The following TERF2IP variants were observed in gnomAD, a reference collection of about 807,000 sequenced individuals.
TERF2IP encodes the protein TERF2 interacting protein.
Under a neutral mutation model 33.3 loss-of-function variants are expected in TERF2IP, and 35 were observed. That is an observed-to-expected ratio of 1.05 (90% CI 0.80 to 1.39). The LOEUF is 1.39. Among genes scored for constraint, TERF2IP ranks in the 40% most tolerant of loss-of-function variants. TERF2IP has a pLI of 0.00. For synonymous variants in TERF2IP, 253 were observed against 223.2 expected, an observed-to-expected ratio of 1.13 and a Z score of -1.19; for missense variants, 583 against 524.8, an observed-to-expected ratio of 1.11 and a Z score of -1.08.
Position 75,656,003 on chromosome 16 carries a change from GCGCACA to G in TERF2IP, c.796-202_796-197del, listed in dbSNP as rs2082382586. On this transcript the variant is annotated intron_variant, in intron 2 of 2. Coordinates refer to ENST00000300086, the MANE Select transcript of TERF2IP (RefSeq NM_018975.4). Reference sequence around the variant, plus strand: ...CTCACACACACGTGCACACACACACGCGCACACACACACGCGTGTACATATACATAC... The same window carrying G: ...CTCACACACACGTGCACACACACACGCACACACGCGTGTACATATACATAC... Among the ~76,000 whole-genome samples the G allele has an allele frequency of 5.3e-5, 8 of 151,624 alleles. 1 individual carries two copies. The East Asian group carries it at 1.6e-3, about 29-fold the overall frequency.
At position 75,654,414 on chromosome 16, in the gene TERF2IP, T is replaced by A; in HGVS notation, c.795+17T>A. ...GAGGTTGTGGTATGTTAACTAGATT[T>A]ACTCATTATTTTTTTCCCTACCTTC... On this transcript the variant is annotated intron_variant, in intron 2 of 2. Transcript: ENST00000300086. 6.2e-7 allele frequency: 1 copy of A among 1,608,166 alleles called. No individual in the cohort carries two copies. Among genetic ancestry groups the A allele is most frequent in the Non-Finnish European group, 8.5e-7 (1 of 1,176,260 alleles).
rs1391020266 is a variant in TERF2IP, at chr16:75,656,119, C to T, written c.796-88C>T. On this transcript the variant is annotated intron_variant, in intron 2 of 2. Coordinates refer to ENST00000300086, the MANE Select transcript of TERF2IP (RefSeq NM_018975.4). ...TCCAGTGTGATTGGAATGCAGAGGG[C>T]AAGGGGGTGATAGTTGGAAGAGACC... The T allele has an allele frequency of 9.1e-6, 12 of 1,317,218 alleles. No homozygotes were observed. The South Asian group carries it at 1.0e-4, about 11-fold the overall frequency. 81.6% of individuals were successfully genotyped at this position (1,317,218 alleles called of 1,614,324 possible). A position where few individuals can be genotyped will look rare whatever the true frequency, so the allele number is the denominator to read the frequency against.
rs766925453 is a variant in TERF2IP, at chr16:75,647,843, C to T, written c.-40C>T. 13 of 1,595,564 alleles carry T rather than the reference C, an allele frequency of 8.1e-6. No homozygotes were observed. In the South Asian group the frequency reaches 1.1e-4, roughly 14 times the overall value. On this transcript the variant is annotated 5_prime_UTR_variant, in exon 1 of 3. Coordinates refer to ENST00000300086, the MANE Select transcript of TERF2IP (RefSeq NM_018975.4). ...AGTTGAGCTCTGTGTGCCAGGCGCT[C>T]GCGAGGGGGTAGCTCTTCTAGTAGT...
At chr16:75,653,112 G>A (rs2082359177) in intron 1 of TERF2IP, among the ~76,000 whole-genome samples, 1 of 152,146 alleles carries the variant, frequency 6.6e-6, no homozygotes, top group African/African-American at 2.4e-5. Context: ...TTTTAAAGGT[G>A]AATAATATTC....
intron 2 of TERF2IP, among the ~76,000 whole-genome samples, chr16:75,655,867 GTC>G: frequency 6.6e-6 from 1 of 151,672 alleles, no homozygotes; most frequent in Non-Finnish European, 1.5e-5. Flanking sequence ...ACATATATGT[GTC>G]TCTCTCTTTA....
At position 75,656,884 on chromosome 16, in the gene TERF2IP, ATAG is replaced by A. The variant is rs936203515; in HGVS notation, c.*279_*281del. Reference sequence around the variant, plus strand: ...CTAAATCAGACAGGAGTTGGTCTACATAGTAGTAATCCATTGTTGGAATGGAAC... The same window carrying A: ...CTAAATCAGACAGGAGTTGGTCTACATAGTAATCCATTGTTGGAATGGAAC... On this transcript the variant is annotated 3_prime_UTR_variant, in exon 3 of 3. Coordinates refer to ENST00000300086, the MANE Select transcript of TERF2IP (RefSeq NM_018975.4). 7.2e-5 allele frequency: 28 copies of A among 388,656 alleles called. No homozygotes were observed. The highest frequency in any genetic ancestry group is 1.1e-4 in the Non-Finnish European group (24 of 216,474). 24.1% of individuals were successfully genotyped at this position (388,656 alleles called of 1,614,324 possible).
rs2082309284 is a variant in TERF2IP at position 75,647,799 on chromosome 16, C to T, written c.-84C>T. The T allele has an allele frequency of 3.8e-6, 6 of 1,591,830 alleles. No homozygotes were observed. Among genetic ancestry groups the T allele is most frequent in the Non-Finnish European group, 5.2e-6 (6 of 1,163,060 alleles). ...GTGCTGCGCTTCGCGGCAGAGGCGT[C>T]TGCGGTGACAGCTCAGTCAGTTGAG... On this transcript the variant is annotated 5_prime_UTR_variant, in exon 1 of 3. Transcript: ENST00000300086.
intron 1 of TERF2IP, among the ~76,000 whole-genome samples, chr16:75,653,581 A>C (rs1018186803): frequency 6.6e-6 from 1 of 152,212 alleles, no homozygotes; most frequent in African/African-American, 2.4e-5. Flanking sequence ...GTTTAAATTT[A>C]GGAGGCCCTC....
chr16:75,652,214 C>G (rs1353184455), intron 1 of TERF2IP, among the ~76,000 whole-genome samples: 1 of 152,232 alleles, frequency 6.6e-6, no homozygotes, highest in African/African-American at 2.4e-5. Flanking sequence ...CGTCTCTTGT[C>G]TGTTGCATGT....
intron 1 of TERF2IP, among the ~76,000 whole-genome samples, chr16:75,652,912 C>A (rs1240656108): frequency 6.6e-6 from 1 of 152,062 alleles, no homozygotes; most frequent in Non-Finnish European, 1.5e-5. Flanking sequence ...AACACTAATT[C>A]CCCATTTCTC....
chr16:75,651,797 G>T (rs60415088), intron 1 of TERF2IP, among the ~76,000 whole-genome samples: 16,547 of 152,144 alleles, frequency 0.11, 1,742 homozygotes, highest in African/African-American at 0.28. Context: ...ATGTGTGTTG[G>T]AATTGTTTTG....
At chr16:75,652,292 T>C (rs1884590832) in intron 1 of TERF2IP, among the ~76,000 whole-genome samples, 2 of 152,248 alleles carry the variant, frequency 1.3e-5, no homozygotes, top group Admixed American at 1.3e-4. Flanking sequence ...TTTTTTAAAC[T>C]TAATTATTTA....
intron 1 of TERF2IP, 138 bp from the exon 2 acceptor site, chr16:75,654,135 T>TAG: frequency 1.5e-6 from 1 of 683,466 alleles, no homozygotes; most frequent in Non-Finnish European, 2.1e-6. Context: ...CAAGAACAGA[T>TAG]GTCTTCTGAT....
chr16:75,652,361 A>T (rs933322924), intron 1 of TERF2IP, among the ~76,000 whole-genome samples: 2 of 152,188 alleles, frequency 1.3e-5, no homozygotes, highest in African/African-American at 4.8e-5. Context: ...AATTGATTGC[A>T]CTGTATTTCA....
In TERF2IP at chr16:75,647,906, C is replaced by G. The variant is rs2082311764; in HGVS notation, c.24C>G (p.Gly8=). 4 of 1,608,054 alleles carry G rather than the reference C, an allele frequency of 2.5e-6. No homozygotes were observed. Among genetic ancestry groups the G allele is most frequent in the South Asian group, 1.1e-5 (1 of 90,896 alleles). The change falls in exon 1 of 3, where the codon GGC becomes GGG. Residue 8 remains glycine, a synonymous_variant. Transcript: ENST00000300086. ...ACATGGCGGAGGCGATGGATTTGGG[C>G]AAAGACCCCAACGGGCCCACCCATT... MAEAMDL[G]KDPNGPTHSS... is the part of the protein sequence containing the mutation.
At chr16:75,653,613 G>A (rs138586697) in intron 1 of TERF2IP, among the ~76,000 whole-genome samples, 14 of 152,278 alleles carry the variant, frequency 9.2e-5, no homozygotes, top group Admixed American at 8.5e-4. Context: ...TGGTATATTG[G>A]TGGATTGTGG....
rs1376056230 is a variant in TERF2IP, at chr16:75,648,106, C to G, written c.224C>G (p.Ser75Trp). ...CCCGGGGAGGCGCTGGCCGAGGCCT[C>G]GGGTGATTTCATCTCCACGCAGTAC... ...AQPGEALAEA[S>W]GDFISTQYIL... Residue 75 changes from serine to tryptophan, a missense_variant, in exon 1 of 3, where the codon TCG becomes TGG. Physicochemically the swap from Ser to Trp is radical, Grantham distance 177. Coordinates refer to ENST00000300086, the MANE Select transcript of TERF2IP (RefSeq NM_018975.4). The G allele has an allele frequency of 6.4e-7, 1 of 1,557,678 alleles. No homozygotes were observed. Among genetic ancestry groups the G allele is most frequent in the Admixed American group, 2.0e-5 (1 of 50,198 alleles).
chr16:75,657,047 G>C lies in TERF2IP; in HGVS notation c.*436G>C, dbSNP rs777899475. ...ATTCCAAATAAAGAATCTAGAAATA[G>C]GAGAAGATTTAATTATGAGGCCTTG... is the stretch of plus-strand genomic sequence containing the variant. On this transcript the variant is annotated 3_prime_UTR_variant, in exon 3 of 3. Transcript: ENST00000300086. 1 of 155,568 alleles carries C rather than the reference G, an allele frequency of 6.4e-6. No individual in the cohort carries two copies. The highest frequency in any genetic ancestry group is 2.4e-5 in the African/African-American group (1 of 41,500). 9.6% of individuals were successfully genotyped at this position (155,568 alleles called of 1,614,324 possible).
In TERF2IP at chr16:75,648,488, G is replaced by A. The variant is rs774333252; in HGVS notation, c.606G>A (p.Val202=). ...AGTACCTGCTGGGGGACGCGCCGGT[G>A]AGCCCCTCCTCCCAGAAGCTCAAGC... ...EHKYLLGDAP[V]SPSSQKLKRK... The change falls in exon 1 of 3, where the codon GTG becomes GTA. Residue 202 remains valine (V), a synonymous_variant. Coordinates refer to ENST00000300086, the MANE Select transcript of TERF2IP (RefSeq NM_018975.4). 30 of 1,590,432 alleles carry A rather than the reference G, an allele frequency of 1.9e-5. No homozygotes were observed. The highest frequency in any genetic ancestry group is 2.7e-5 in the African/African-American group (2 of 74,854).
Sources: allele counts gnomAD v4.1 joint callset (sites outside exome capture counted in the v4.1 genomes callset), GRCh38; gene constraint gnomAD v4.1.1; transcripts MANE v1.5; gene names NCBI Gene and HGNC (gene_info 2026-07-23, HGNC 2026-07-21).